Variants in PSD3 observed in about 807,000 individuals in gnomAD.
The protein encoded by PSD3 is pleckstrin and Sec7 domain containing 3, also known as PH and SEC7 domain-containing protein 3.
PSD3 carries 49 observed loss-of-function variants against 105.5 expected under a neutral mutation model. That is an observed-to-expected ratio of 0.46 (90% CI 0.37 to 0.59). The LOEUF is 0.59. Ranked by LOEUF, PSD3 falls within the 20% of genes least tolerant of loss-of-function variation. The pLI is 0.00. For missense variants in PSD3, 1,561 were observed against 1,263.8 expected, an observed-to-expected ratio of 1.24 and a Z score of -3.57; for synonymous variants, 557 against 457.8, an observed-to-expected ratio of 1.22 and a Z score of -2.77.
intron 4 of PSD3, among the ~76,000 whole-genome samples, chr8:18,835,625 G>C (rs544920921): frequency 6.6e-6 from 1 of 152,344 alleles, no homozygotes; most frequent in South Asian, 2.1e-4. Context: ...GAAACCGTGA[G>C]AGGAAAAGAG....
At chr8:18,795,233 C>T (rs1810069723) in intron 8 of PSD3, among the ~76,000 whole-genome samples, 3 of 152,240 alleles carry the variant, frequency 2.0e-5, no homozygotes, top group African/African-American at 4.8e-5. Context: ...TTAGTAAGGT[C>T]GTGCCTGATC....
chr8:18,576,429 A>G (rs903571387), intron 12 of PSD3, among the ~76,000 whole-genome samples: 1 of 152,150 alleles, frequency 6.6e-6, no homozygotes, highest in Non-Finnish European at 1.5e-5. Flanking sequence ...GGTATGATGA[A>G]TAAAGGAGAA....
chr8:18,753,073 G>A (rs1219634535), intron 9 of PSD3, among the ~76,000 whole-genome samples: 1 of 151,998 alleles, frequency 6.6e-6, no homozygotes, highest in African/African-American at 2.4e-5. Flanking sequence ...AGTCTGGGGT[G>A]ATGATGAGCA....
intron 2 of PSD3, among the ~76,000 whole-genome samples, chr8:18,899,484 G>T (rs1027619196): frequency 2.0e-5 from 3 of 151,978 alleles, no homozygotes; most frequent in African/African-American, 7.2e-5. Context: ...GTTCTGTCAG[G>T]GTTCTCTTCC....
chr8:18,991,389 C>CACAT (rs1563491999), intron 1 of PSD3, among the ~76,000 whole-genome samples: 2 of 138,602 alleles, frequency 1.4e-5, no homozygotes, highest in Non-Finnish European at 3.2e-5. Context: ...CACACACACA[C>CACAT]ACACACACAC....
chr8:18,869,547 C>T (rs1817185951), intron 3 of PSD3, among the ~76,000 whole-genome samples: 1 of 152,178 alleles, frequency 6.6e-6, no homozygotes, highest in Non-Finnish European at 1.5e-5. Flanking sequence ...CAGGCCTTGG[C>T]TTCACACATC....
intron 12 of PSD3, among the ~76,000 whole-genome samples, chr8:18,576,547 T>C (rs1213277044): frequency 6.6e-6 from 1 of 152,196 alleles, no homozygotes; most frequent in African/African-American, 2.4e-5. Context: ...ATTTTTTAAA[T>C]GAGATTTTTC....
chr8:19,017,511 C>G (rs1214531794), upstream of PSD3, among the ~76,000 whole-genome samples: 1 of 152,166 alleles, frequency 6.6e-6, no homozygotes, highest in African/African-American at 2.4e-5. Flanking sequence ...ACTCTGGAAA[C>G]TTTTCATCAT....
intron 2 of PSD3, among the ~76,000 whole-genome samples, chr8:18,892,439 G>A (rs1818860585): frequency 6.6e-6 from 1 of 151,818 alleles, no homozygotes; most frequent in Non-Finnish European, 1.5e-5. Flanking sequence ...TAGCCAGGAT[G>A]GTCTCGATCT....
intron 4 of PSD3, among the ~76,000 whole-genome samples, chr8:18,861,100 G>C (rs1227190606): frequency 1.3e-5 from 2 of 152,132 alleles, no homozygotes; most frequent in Non-Finnish European, 2.9e-5. Flanking sequence ...ATTTATAAAA[G>C]AGGCACCAAA....
At chr8:18,832,498 G>A (rs1418980013) in intron 4 of PSD3, among the ~76,000 whole-genome samples, 1 of 152,132 alleles carries the variant, frequency 6.6e-6, no homozygotes, top group African/African-American at 2.4e-5. Context: ...AACCAGTACA[G>A]CTCACTGTGG....
intron 8 of PSD3, among the ~76,000 whole-genome samples, chr8:18,773,317 G>A (rs1037598265): frequency 7.2e-5 from 11 of 152,096 alleles, no homozygotes; most frequent in African/African-American, 2.4e-4. Flanking sequence ...GAAGATTTGA[G>A]GATTTGTGCA....
At chr8:18,575,971 T>C (rs922669215) in intron 12 of PSD3, among the ~76,000 whole-genome samples, 2 of 152,176 alleles carry the variant, frequency 1.3e-5, no homozygotes, top group Non-Finnish European at 2.9e-5. Context: ...CCTTCCCATA[T>C]TTTATCAAAA....
chr8:18,790,919 C>A (rs1368872131), intron 8 of PSD3, among the ~76,000 whole-genome samples: 1 of 152,132 alleles, frequency 6.6e-6, no homozygotes, highest in African/African-American at 2.4e-5. Context: ...CACTAGCATT[C>A]CTACACACCA....
chr8:19,036,634 G>A (rs998281074), intron 1 of PSD3, among the ~76,000 whole-genome samples: 2 of 152,186 alleles, frequency 1.3e-5, no homozygotes, highest in African/African-American at 4.8e-5. Flanking sequence ...CTGGATTGTG[G>A]TAGGGTTATG....
chr8:19,072,960 C>A (rs1382623293), intron 1 of PSD3, among the ~76,000 whole-genome samples: 1 of 152,142 alleles, frequency 6.6e-6, no homozygotes, highest in African/African-American at 2.4e-5. Flanking sequence ...GGATGGGGAA[C>A]CCTGAGACTA....
At chr8:18,798,229 C>A (rs1433343664) in intron 8 of PSD3, among the ~76,000 whole-genome samples, 1 of 152,138 alleles carries the variant, frequency 6.6e-6, no homozygotes, top group Non-Finnish European at 1.5e-5. Context: ...TGTATTATCT[C>A]TGGACACGTG....
chr8:18,873,272 G>A (rs1817511637), intron 2 of PSD3, among the ~76,000 whole-genome samples: 1 of 152,030 alleles, frequency 6.6e-6, no homozygotes, highest in South Asian at 2.1e-4. Context: ...TTTCTGTGGA[G>A]GGAAAAAATG....
intron 1 of PSD3, among the ~76,000 whole-genome samples, chr8:19,058,264 C>G (rs908359222): frequency 6.6e-6 from 1 of 151,872 alleles, no homozygotes; most frequent in African/African-American, 2.4e-5. Flanking sequence ...AGGAACAGAT[C>G]AATGGTTTCC....
Sources: allele counts gnomAD v4.1 joint callset (sites outside exome capture counted in the v4.1 genomes callset), GRCh38; gene constraint gnomAD v4.1.1; transcripts MANE v1.5; gene names NCBI Gene and HGNC (gene_info 2026-07-23, HGNC 2026-07-21).